Variants in MED12L observed in about 807,000 individuals in gnomAD.
The protein encoded by MED12L is mediator of RNA polymerase II transcription subunit 12-like protein.
In MED12L, 60 loss-of-function variants were observed where a neutral mutation model predicts 281.3. The ratio of observed to expected loss-of-function variants is 0.21; its 90% CI spans 0.17 to 0.26. MED12L has a LOEUF of 0.26. Among genes scored for constraint, MED12L ranks in the 10% least tolerant of loss-of-function variants. MED12L has a pLI of 1.00. For missense variants in MED12L, 2,146 were observed against 2,680.9 expected, an observed-to-expected ratio of 0.80 and a Z score of 4.41; for synonymous variants, 974 against 987.2, an observed-to-expected ratio of 0.99 and a Z score of 0.25.
chr3:151,195,645 T>C (rs1724548618), intron 16 of MED12L, among the ~76,000 whole-genome samples: 1 of 152,204 alleles, frequency 6.6e-6, no homozygotes, highest in South Asian at 2.1e-4. Flanking sequence ...CCTGAAGAAT[T>C]TATAGATGAG....
At chr3:151,345,372 T>G (rs1330137037) in intron 16 of MED12L, among the ~76,000 whole-genome samples, 2 of 152,206 alleles carry the variant, frequency 1.3e-5, no homozygotes, top group African/African-American at 4.8e-5. Flanking sequence ...CTGTGCAACT[T>G]GAGGGCGTTT....
At chr3:151,250,798 T>A (rs755183804) in intron 16 of MED12L, among the ~76,000 whole-genome samples, 24 of 152,234 alleles carry the variant, frequency 1.6e-4, no homozygotes, top group Non-Finnish European at 3.1e-4. Context: ...GCAAAATTGC[T>A]GGATCATGTG....
At chr3:151,320,767 T>A (rs1326656515) in intron 16 of MED12L, among the ~76,000 whole-genome samples, 1 of 152,196 alleles carries the variant, frequency 6.6e-6, no homozygotes, top group African/African-American at 2.4e-5. Flanking sequence ...TTAATCTATC[T>A]CCTTGCTTTG....
At chr3:151,389,843 C>A in intron 37 of MED12L, 136 bp from the exon 38 acceptor site, 1 of 745,132 alleles carries the variant, frequency 1.3e-6, no homozygotes, top group Non-Finnish European at 2.2e-6. Flanking sequence ...ACTCTTCCTT[C>A]CATCTTCTCC....
chr3:151,413,432 A>T, intron 42 of MED12L, 137 bp downstream of exon 42: 1 of 1,059,138 alleles, frequency 9.4e-7, no homozygotes. Flanking sequence ...GCTAGGAGCT[A>T]CATTGGTACA....
At chr3:151,329,086 A>G (rs1317679000) in intron 16 of MED12L, 3 of 1,058,048 alleles carry the variant, frequency 2.8e-6, no homozygotes, top group Admixed American at 2.5e-5. Flanking sequence ...TTTTAAAAAC[A>G]GACTTTATGT....
intron 16 of MED12L, among the ~76,000 whole-genome samples, chr3:151,300,968 T>C (rs1254492736): frequency 6.6e-6 from 1 of 152,106 alleles, no homozygotes; most frequent in African/African-American, 2.4e-5. Flanking sequence ...ATGGAAAAAA[T>C]GGTTTTTAAT....
chr3:151,270,845 C>T (rs1740809234), intron 16 of MED12L, among the ~76,000 whole-genome samples: 1 of 152,118 alleles, frequency 6.6e-6, no homozygotes, highest in African/African-American at 2.4e-5. Flanking sequence ...ATCCACAGAA[C>T]CTGCAGGATA....
intron 16 of MED12L, among the ~76,000 whole-genome samples, chr3:151,206,697 T>C (rs2149185235): frequency 8.6e-6 from 1 of 116,748 alleles, no homozygotes; most frequent in South Asian, 3.0e-4. Context: ...CAGGCTGGAG[T>C]GCAGTGGTGC....
chr3:151,121,589 G>C (rs1055516771), intron 3 of MED12L, among the ~76,000 whole-genome samples: 3 of 152,042 alleles, frequency 2.0e-5, no homozygotes, highest in Non-Finnish European at 4.4e-5. Context: ...ACTTCATTGG[G>C]GATATTTATC....
At chr3:151,087,602 G>A in intron 2 of MED12L, among the ~76,000 whole-genome samples, 1 of 152,050 alleles carries the variant, frequency 6.6e-6, no homozygotes, top group East Asian at 1.9e-4. Context: ...ACTGATTTTC[G>A]TCTCTAGAGG....
chr3:151,300,475 A>G (rs1044736622), intron 16 of MED12L, among the ~76,000 whole-genome samples: 14 of 152,188 alleles, frequency 9.2e-5, no homozygotes, highest in African/African-American at 1.4e-4. Context: ...TGTATGTGCA[A>G]TGTTGGATAT....
At chr3:151,373,546 G>A (rs1756437154) in intron 27 of MED12L, among the ~76,000 whole-genome samples, 1 of 148,512 alleles carries the variant, frequency 6.7e-6, no homozygotes, top group Non-Finnish European at 1.5e-5. Context: ...TACTATGATG[G>A]TTGCAAAATG....
At chr3:151,329,659 A>C (rs1349632146) in intron 16 of MED12L, 9 of 532,236 alleles carry the variant, frequency 1.7e-5, no homozygotes, top group Non-Finnish European at 3.0e-5. Context: ...GACATTTGCT[A>C]ATACTCTATT....
intron 11 of MED12L, among the ~76,000 whole-genome samples, chr3:151,168,370 CTT>C (rs1285469628): frequency 2.0e-5 from 3 of 152,154 alleles, no homozygotes; most frequent in Non-Finnish European, 2.9e-5. Context: ...TAAAAAAACT[CTT>C]TGAGCTGAGA....
intron 25 of MED12L, among the ~76,000 whole-genome samples, chr3:151,368,831 G>A (rs1238934365): frequency 2.1e-5 from 3 of 143,426 alleles, no homozygotes; most frequent in Non-Finnish European, 4.5e-5. Context: ...GTGTGATCTC[G>A]GCTCACTGCA....
intron 32 of MED12L, among the ~76,000 whole-genome samples, chr3:151,381,114 C>T (rs2108122770): frequency 1.3e-5 from 2 of 152,314 alleles, no homozygotes; most frequent in Admixed American, 1.3e-4. Context: ...AATTGGAGAG[C>T]ATGGAATTAA....
chr3:151,417,397 G>GAAC (rs1405705958), intron 43 of MED12L, among the ~76,000 whole-genome samples: 1 of 151,038 alleles, frequency 6.6e-6, no homozygotes, highest in Non-Finnish European at 1.5e-5. Flanking sequence ...AGATTGACCA[G>GAAC]AACATGGTCA....
At chr3:151,295,060 T>C in intron 16 of MED12L, 2 of 1,613,886 alleles carry the variant, frequency 1.2e-6, no homozygotes, top group Non-Finnish European at 1.7e-6. Flanking sequence ...TCCACACTGC[T>C]AAACCATTCA....
Sources: gnomAD v4.1 joint callset for allele counts (sites outside exome capture counted in the v4.1 genomes callset) on GRCh38, gnomAD v4.1.1 for gene constraint, MANE v1.5 for transcripts, NCBI Gene and HGNC (gene_info 2026-07-23, HGNC 2026-07-21) for gene names.